CIMIP7: variants seen among roughly 807,000 people sequenced by gnomAD.
CIMIP7 encodes ciliary microtubule inner protein 7.
the CIMIP7 span, chr3:49,178,147 T>A: frequency 8.3e-7 from 1 of 1,203,474 alleles, no homozygotes; most frequent in Non-Finnish European, 1.1e-6. Flanking sequence ...ATACCTGTCC[T>A]ATGCCTGGCT....
At chr3:49,186,549 G>T in the CIMIP7 span, among the ~76,000 whole-genome samples, 1 of 151,992 alleles carries the variant, frequency 6.6e-6, no homozygotes, top group South Asian at 2.1e-4. Flanking sequence ...GACTACAGGC[G>T]CCCGCCACCA....
the CIMIP7 span, among the ~76,000 whole-genome samples, chr3:49,182,220 T>A: frequency 1.3e-5 from 2 of 152,222 alleles, no homozygotes; most frequent in Admixed American, 6.5e-5. Context: ...TTGCCACTGC[T>A]GGCTGGGGCA....
chr3:49,190,211 C>A, the CIMIP7 span: 1 of 1,085,260 alleles, frequency 9.2e-7, no homozygotes, highest in Non-Finnish European at 1.3e-6. Context: ...AGGGCCCCAA[C>A]TGAGGGTTCC....
the CIMIP7 span, among the ~76,000 whole-genome samples, chr3:49,190,817 C>T: frequency 6.6e-6 from 1 of 151,844 alleles, no homozygotes; most frequent in Non-Finnish European, 1.5e-5. Context: ...TACAGGCGCC[C>T]GCCACCACAC....
chr3:49,182,017 G>C, the CIMIP7 span, among the ~76,000 whole-genome samples: 1 of 152,012 alleles, frequency 6.6e-6, no homozygotes, highest in African/African-American at 2.4e-5. Context: ...CTCTTCAGGC[G>C]GCGCGTCTGG....
At chr3:49,191,014 A>T in the CIMIP7 span, among the ~76,000 whole-genome samples, 3 of 152,130 alleles carry the variant, frequency 2.0e-5, no homozygotes, top group African/African-American at 7.2e-5. Flanking sequence ...GAAATAAGCA[A>T]CTATCAGAGG....
chr3:49,190,074 T>G, the CIMIP7 span: 1 of 1,612,796 alleles, frequency 6.2e-7, no homozygotes, highest in Non-Finnish European at 8.5e-7. Flanking sequence ...GGCTGCAAGG[T>G]GGTATTCTCT....
At chr3:49,185,630 C>T in the CIMIP7 span, among the ~76,000 whole-genome samples, 1 of 151,890 alleles carries the variant, frequency 6.6e-6, no homozygotes, top group Non-Finnish European at 1.5e-5. Context: ...GTTGGTCTAC[C>T]ATCACAGTCA....
At chr3:49,179,709 C>T in the CIMIP7 span, among the ~76,000 whole-genome samples, 2 of 152,282 alleles carry the variant, frequency 1.3e-5, no homozygotes, top group East Asian at 3.9e-4. Context: ...GTGATGTTAC[C>T]CCCACTGATT....
chr3:49,181,931 G>C, the CIMIP7 span, among the ~76,000 whole-genome samples: 1 of 152,184 alleles, frequency 6.6e-6, no homozygotes, highest in South Asian at 2.1e-4. Flanking sequence ...TGTGTTCCCA[G>C]TTTCTTCCTT....
the CIMIP7 span, chr3:49,177,849 C>G: frequency 6.2e-7 from 1 of 1,613,366 alleles, no homozygotes; most frequent in East Asian, 2.2e-5. Flanking sequence ...TATGGGAAGG[C>G]TGGACCTGCA....
the CIMIP7 span, among the ~76,000 whole-genome samples, chr3:49,190,763 G>A: frequency 1.5e-4 from 23 of 150,054 alleles, no homozygotes. Context: ...CTGCCTCCCG[G>A]GTTCAATCAA....
the CIMIP7 span, chr3:49,177,720 T>C: frequency 4.3e-6 from 7 of 1,609,664 alleles, no homozygotes; most frequent in Non-Finnish European, 5.1e-6. Context: ...GCTTGGGTCT[T>C]GGGATCCCTG....
At chr3:49,190,636 C>T in the CIMIP7 span, among the ~76,000 whole-genome samples, 2 of 150,342 alleles carry the variant, frequency 1.3e-5, no homozygotes, top group Admixed American at 6.7e-5. Flanking sequence ...CCTGAGACTA[C>T]AGGCGCCCAC....
At chr3:49,178,925 C>G in the CIMIP7 span, among the ~76,000 whole-genome samples, 2 of 152,298 alleles carry the variant, frequency 1.3e-5, no homozygotes, top group South Asian at 4.1e-4. Context: ...ACATACCCAG[C>G]CTCTTGGCTC....
the CIMIP7 span, among the ~76,000 whole-genome samples, chr3:49,178,730 C>T: frequency 6.6e-6 from 1 of 152,170 alleles, no homozygotes; most frequent in South Asian, 2.1e-4. Flanking sequence ...ATATCTCAAC[C>T]TGGGACTTGC....
At chr3:49,178,598 AC>A in the CIMIP7 span, 7 of 1,451,198 alleles carry the variant, frequency 4.8e-6, no homozygotes, top group Non-Finnish European at 6.7e-6. Flanking sequence ...ACCCACCCTT[AC>A]CTGGATCACT....
the CIMIP7 span, among the ~76,000 whole-genome samples, chr3:49,182,031 T>G: frequency 6.6e-6 from 1 of 152,046 alleles, no homozygotes; most frequent in Non-Finnish European, 1.5e-5. Context: ...CGTCTGGAGT[T>G]GTTCGTTCCT....
chr3:49,178,534 G>A, the CIMIP7 span: 16 of 1,613,074 alleles, frequency 9.9e-6, no homozygotes, highest in South Asian at 4.4e-5. Flanking sequence ...TCGCTGCGCC[G>A]GCTCCTTGAA....
Sources: allele counts gnomAD v4.1 joint callset (sites outside exome capture counted in the v4.1 genomes callset), GRCh38; gene constraint gnomAD v4.1.1; transcripts MANE v1.5; gene names NCBI Gene and HGNC (gene_info 2026-07-23, HGNC 2026-07-21).